The following PCNX2 variants were observed in gnomAD, a reference collection of about 807,000 sequenced individuals.
PCNX2 encodes the protein pecanex-like protein 2.
Under a neutral mutation model 223.8 loss-of-function variants are expected in PCNX2, and 168 were observed. The ratio of observed to expected loss-of-function variants is 0.75; its 90% CI spans 0.66 to 0.85. The LOEUF (loss-of-function observed/expected upper bound fraction) is 0.85. PCNX2 is among the 40% of genes least tolerant of loss of function. The probability of loss-of-function intolerance (pLI) is 0.00; values close to 1 mark genes in which losing one functional copy is unlikely to be tolerated. For missense variants in PCNX2, 2,507 were observed against 2,675.5 expected (o/e 0.94, Z 1.39); for synonymous variants, 1,006 against 1,052.6 (o/e 0.96, Z 0.86).
At chr1:233,183,011 T>A (rs990720097) in intron 15 of PCNX2, among the ~76,000 whole-genome samples, 2 of 152,154 alleles carry the variant, frequency 1.3e-5, no homozygotes, top group African/African-American at 4.8e-5. Flanking sequence ...ACAGAGTAGC[T>A]CTTCAGCATG....
chr1:233,105,970 T>A (rs1674746334), intron 21 of PCNX2, among the ~76,000 whole-genome samples: 1 of 152,200 alleles, frequency 6.6e-6, no homozygotes, highest in Non-Finnish European at 1.5e-5. Flanking sequence ...GTCTGTGTGT[T>A]TCTGCATGTG....
chr1:233,093,069 G>A (rs887315351), intron 22 of PCNX2, among the ~76,000 whole-genome samples: 5 of 152,140 alleles, frequency 3.3e-5, no homozygotes, highest in Non-Finnish European at 7.4e-5. Context: ...AAAGTGCTGG[G>A]ATTACAGGCG....
chr1:233,261,938 G>A (rs1660070233), intron 3 of PCNX2, 107 bp downstream of exon 3: 6 of 1,513,846 alleles, frequency 4.0e-6, no homozygotes, highest in Admixed American at 1.7e-5. Flanking sequence ...ACGGGCCAGT[G>A]ATTACAGCAT....
chr1:233,001,918 A>G lies in PCNX2; in HGVS notation c.4953-237T>C, dbSNP rs908804360. 1.7e-4 allele frequency among the ~76,000 whole-genome samples: 26 copies of G among 152,194 alleles called. No individual in the cohort carries two copies. Among genetic ancestry groups the G allele is most frequent in the African/African-American group, 6.3e-4 (26 of 41,454 alleles). ...GTTGTCTTCAGTCATTTTAGGAGCC[A>G]CCAAAGTACTTAATCACTGGATGTG... On this transcript the variant is annotated intron_variant, in intron 28 of 33. Coordinates refer to ENST00000258229, the MANE Select transcript of PCNX2 (RefSeq NM_014801.4). The surrounding 1 kb of genome is among the most constrained non-coding windows in gnomAD (Gnocchi z 4.2).
chr1:233,016,878 T>C (rs1158819318), intron 27 of PCNX2, 43 bp downstream of exon 27: 3 of 1,580,568 alleles, frequency 1.9e-6, no homozygotes, highest in South Asian at 1.1e-5. Flanking sequence ...CTTTATTTAT[T>C]AAACTTACAT....
At chr1:233,194,261 G>A (rs893695444) in intron 15 of PCNX2, among the ~76,000 whole-genome samples, 2 of 151,922 alleles carry the variant, frequency 1.3e-5, no homozygotes, top group African/African-American at 4.8e-5. Context: ...AAGTACCAGG[G>A]GAAAAAAGCT....
intron 28 of PCNX2, among the ~76,000 whole-genome samples, chr1:233,013,917 T>G (rs1670561031): frequency 6.6e-6 from 1 of 152,114 alleles, no homozygotes; most frequent in African/African-American, 2.4e-5. Flanking sequence ...CTCATCAAGG[T>G]GATTCCACTT....
At chr1:233,169,275 A>C (rs1401913438) in intron 17 of PCNX2, among the ~76,000 whole-genome samples, 1 of 152,098 alleles carries the variant, frequency 6.6e-6, no homozygotes, top group Non-Finnish European at 1.5e-5. Context: ...AGTCTGAAAA[A>C]TCATTTTCTC....
intron 19 of PCNX2, among the ~76,000 whole-genome samples, chr1:233,145,687 T>C (rs144974202): frequency 5.5e-4 from 84 of 152,282 alleles, no homozygotes; most frequent in Middle Eastern, 3.4e-3. Flanking sequence ...AGCATCATTC[T>C]GGTAGGAGGA....
At chr1:233,109,933 T>C (rs1432348047) in intron 21 of PCNX2, among the ~76,000 whole-genome samples, 1 of 151,600 alleles carries the variant, frequency 6.6e-6, no homozygotes, top group Non-Finnish European at 1.5e-5. Context: ...ACTAAAAATA[T>C]AAAAATTAGC....
chr1:233,288,835 T>C, intron 1 of PCNX2: 1 of 755,860 alleles, frequency 1.3e-6, no homozygotes, highest in Non-Finnish European at 2.1e-6. Context: ...TTACTGTGAA[T>C]ATATATTTTT....
At chr1:233,048,835 G>A (rs1671904466) in intron 25 of PCNX2, among the ~76,000 whole-genome samples, 1 of 152,050 alleles carries the variant, frequency 6.6e-6, no homozygotes, top group African/African-American at 2.4e-5. Context: ...CATTACAATT[G>A]ATCCTAAAAG....
At chr1:233,181,200 T>C (rs1452945293) in intron 15 of PCNX2, 1 of 123,074 alleles carries the variant, frequency 8.1e-6, no homozygotes. Flanking sequence ...AGTTGCTGAC[T>C]TTTTTTTTTT....
chr1:233,246,183 C>T (rs34193909), intron 8 of PCNX2, among the ~76,000 whole-genome samples: 2 of 150,100 alleles, frequency 1.3e-5, no homozygotes, highest in Non-Finnish European at 3.0e-5. Context: ...GATAAATGCC[C>T]TTCAGATGGG....
chr1:233,309,131 T>C, the PCNX2 span, among the ~76,000 whole-genome samples: 2 of 152,102 alleles, frequency 1.3e-5, no homozygotes, highest in Non-Finnish European at 2.9e-5. Flanking sequence ...ATAAAATTAA[T>C]GAAATAAAAT....
chr1:233,283,202 G>C (rs1661277620), intron 1 of PCNX2, among the ~76,000 whole-genome samples: 1 of 152,038 alleles, frequency 6.6e-6, no homozygotes, highest in Non-Finnish European at 1.5e-5. Flanking sequence ...AATAATGGAA[G>C]GAGAGAAAGA....
chr1:233,018,163 C>T (rs1670750347), intron 26 of PCNX2, among the ~76,000 whole-genome samples: 1 of 151,922 alleles, frequency 6.6e-6, no homozygotes. Context: ...ACTAGGGCTA[C>T]AGGTGCAAGC....
chr1:233,141,993 G>T (rs1361279143), intron 19 of PCNX2, among the ~76,000 whole-genome samples: 1 of 152,080 alleles, frequency 6.6e-6, no homozygotes, highest in African/African-American at 2.4e-5. Flanking sequence ...AAAATAAAAA[G>T]AAGTTTTAGT....
intron 12 of PCNX2, among the ~76,000 whole-genome samples, chr1:233,210,915 G>A (rs918051734): frequency 2.0e-5 from 3 of 152,254 alleles, no homozygotes; most frequent in African/African-American, 2.4e-5. Context: ...TCCATAAGCC[G>A]TCTCATCACC....
Sources: allele counts gnomAD v4.1 joint callset (sites outside exome capture counted in the v4.1 genomes callset), GRCh38; gene constraint gnomAD v4.1.1; non-coding constraint Gnocchi (gnomAD v3.1); transcripts MANE v1.5; gene names NCBI Gene and HGNC (gene_info 2026-07-23, HGNC 2026-07-21).